BANK1: variants seen among roughly 807,000 people sequenced by gnomAD.
BANK1 encodes B-cell scaffold protein with ankyrin repeats.
In BANK1, 95 loss-of-function variants were observed where a neutral mutation model predicts 94.5. The observed-to-expected ratio is 1.00, with a 90% confidence interval of 0.85 to 1.19. BANK1 has a LOEUF of 1.19. Ranked by LOEUF, BANK1 falls within the 50% of genes most tolerant of loss-of-function variation. BANK1 has a pLI of 0.00. For missense variants in BANK1, 987 were observed against 932.2 expected, an observed-to-expected ratio of 1.06 and a Z score of -0.77; for synonymous variants, 334 against 308.4, an observed-to-expected ratio of 1.08 and a Z score of -0.87.
intron 7 of BANK1, among the ~76,000 whole-genome samples, chr4:102,017,337 G>C (rs750780003): frequency 6.6e-6 from 1 of 152,162 alleles, no homozygotes; most frequent in Non-Finnish European, 1.5e-5. Context: ...TTGAAACAAA[G>C]AGTATTAAAA....
intron 7 of BANK1, among the ~76,000 whole-genome samples, chr4:101,955,034 T>C (rs1399363562): frequency 6.6e-6 from 1 of 152,168 alleles, no homozygotes; most frequent in Non-Finnish European, 1.5e-5. Flanking sequence ...ATTATGTTCA[T>C]GTGTTAGTTC....
rs183080459 is a variant in BANK1, at chr4:102,011,519, G to A, written c.1207-9995G>A. Among the ~76,000 whole-genome samples the A allele has an allele frequency of 8.0e-4, 122 of 152,156 alleles. 1 individual carries two copies. Among genetic ancestry groups the A allele is most frequent in the Non-Finnish European group, 1.4e-3 (96 of 68,002 alleles). ...GAATAGCAACACCCTTCGCGCCTTG[G>A]GTAGGGCCTCACAAAATAAAATTTA... On this transcript the variant is annotated intron_variant, in intron 7 of 16. Transcript: ENST00000322953.
intron 7 of BANK1, among the ~76,000 whole-genome samples, chr4:101,987,088 A>T (rs1725532519): frequency 6.6e-6 from 1 of 151,000 alleles, no homozygotes; most frequent in African/African-American, 2.4e-5. Flanking sequence ...ATGAGGCTGG[A>T]GCTGGGCTTC....
At position 101,829,798 on chromosome 4, in the gene BANK1, C is replaced by CT. The variant is rs1271353092; in HGVS notation, c.71-5dup. On this transcript the variant is annotated splice_polypyrimidine_tract_variant and intron_variant, in intron 1 of 16. Transcript: ENST00000322953. The stretch of plus-strand genomic sequence containing the variant: ...TTGCAAATATAAGAAAATATTTTTT[C>CT]TTTTTCCAGGAAATACAAAAGATAT... The CT allele has an allele frequency of 4.0e-6, 6 of 1,486,204 alleles. No individual in the cohort carries two copies. Among genetic ancestry groups the CT allele is most frequent in the African/African-American group, 1.4e-5 (1 of 69,976 alleles). The allele number at this position is 1,486,204 out of a possible 1,614,324, so 92.1% of individuals were successfully genotyped here. A position where few individuals can be genotyped will look rare whatever the true frequency, so the allele number is the denominator to read the frequency against.
At chr4:102,072,587 A>G (rs1047289402) in intron 15 of BANK1, among the ~76,000 whole-genome samples, 187 bp downstream of exon 15, 1 of 152,192 alleles carries the variant, frequency 6.6e-6, no homozygotes, top group Non-Finnish European at 1.5e-5. Context: ...GAAAAAAAAC[A>G]AAGAGGGAAC....
intron 7 of BANK1, among the ~76,000 whole-genome samples, chr4:101,992,587 A>G (rs138760620): frequency 6.8e-4 from 104 of 152,312 alleles, no homozygotes; most frequent in African/African-American, 2.4e-3. Context: ...AAAAGCACAT[A>G]GAAACATTAT....
chr4:102,066,621 T>G (rs1159895239), intron 13 of BANK1, among the ~76,000 whole-genome samples: 1 of 152,026 alleles, frequency 6.6e-6, no homozygotes, highest in Non-Finnish European at 1.5e-5. Flanking sequence ...ACCTCAAAAA[T>G]GTGATAAAAT....
chr4:101,967,311 T>G (rs1390755985), intron 7 of BANK1, among the ~76,000 whole-genome samples: 1 of 152,014 alleles, frequency 6.6e-6, no homozygotes, highest in Non-Finnish European at 1.5e-5. Flanking sequence ...CCAAGAAAAT[T>G]GCAAAGGATA....
At chr4:102,070,266 C>A (rs1376817410) in intron 13 of BANK1, among the ~76,000 whole-genome samples, 1 of 152,206 alleles carries the variant, frequency 6.6e-6, no homozygotes, top group Non-Finnish European at 1.5e-5. Context: ...CAGCATCTTG[C>A]ACCCCTTTCC....
chr4:101,989,930 C>T (rs1371940539), intron 7 of BANK1, among the ~76,000 whole-genome samples: 1 of 152,136 alleles, frequency 6.6e-6, no homozygotes, highest in Non-Finnish European at 1.5e-5. Context: ...ACCAAAGATA[C>T]TTTTAAATGG....
At chr4:101,995,231 T>C (rs1217021866) in intron 7 of BANK1, among the ~76,000 whole-genome samples, 4 of 152,172 alleles carry the variant, frequency 2.6e-5, no homozygotes, top group Non-Finnish European at 2.9e-5. Flanking sequence ...TTGCTGAGAA[T>C]GATGGTTTCC....
intron 7 of BANK1, among the ~76,000 whole-genome samples, chr4:102,015,912 A>C (rs1726683870): frequency 6.6e-6 from 1 of 152,204 alleles, no homozygotes. Context: ...CTTCTTAAGA[A>C]ACAATTACAT....
intron 1 of BANK1, among the ~76,000 whole-genome samples, chr4:101,807,638 T>G (rs1196057258): frequency 1.3e-5 from 2 of 152,212 alleles, no homozygotes; most frequent in African/African-American, 4.8e-5. Flanking sequence ...TCAGGCACTA[T>G]GATAAATGCT....
intron 12 of BANK1, 73 bp from the exon 13 acceptor site, chr4:102,063,002 G>C: frequency 1.7e-6 from 2 of 1,170,796 alleles, no homozygotes; most frequent in Admixed American, 3.6e-5. Flanking sequence ...ATTGCTAATA[G>C]TAGTTGATGT....
chr4:101,949,257 AC>A (rs1173178775), intron 7 of BANK1, among the ~76,000 whole-genome samples: 3 of 152,262 alleles, frequency 2.0e-5, no homozygotes, highest in Admixed American at 6.5e-5. Context: ...ATCTTGAAGA[AC>A]ACAGAGAAGC....
chr4:101,811,847 G>A (rs967089205), intron 1 of BANK1, among the ~76,000 whole-genome samples: 7 of 151,932 alleles, frequency 4.6e-5, no homozygotes, highest in Admixed American at 4.6e-4. Flanking sequence ...TGAGATATTA[G>A]AATAAACTAC....
chr4:101,970,304 G>T (rs1266189087), intron 7 of BANK1, among the ~76,000 whole-genome samples: 1 of 152,134 alleles, frequency 6.6e-6, no homozygotes, highest in South Asian at 2.1e-4. Flanking sequence ...TCAGAGTAAT[G>T]CAGACAATAA....
intron 2 of BANK1, among the ~76,000 whole-genome samples, chr4:101,849,799 TTCG>T (rs1281863655): frequency 6.6e-6 from 1 of 152,190 alleles, no homozygotes; most frequent in African/African-American, 2.4e-5. Context: ...CCGGAAAAAC[TTCG>T]TCATTTATTT....
intron 11 of BANK1, among the ~76,000 whole-genome samples, chr4:102,049,404 A>G (rs767326869): frequency 6.6e-6 from 1 of 152,108 alleles, no homozygotes; most frequent in Non-Finnish European, 1.5e-5. Context: ...GGCCTTTTCT[A>G]TCTATATCAA....
Sources: allele counts gnomAD v4.1 joint callset (sites outside exome capture counted in the v4.1 genomes callset), GRCh38; gene constraint gnomAD v4.1.1; transcripts MANE v1.5; gene names NCBI Gene and HGNC (gene_info 2026-07-23, HGNC 2026-07-21).